Variants in RC3H1 observed in about 807,000 individuals in gnomAD.
The protein encoded by RC3H1 is ring finger and CCCH-type domains 1, also known as roquin-1.
RC3H1 carries 50 observed loss-of-function variants against 138.2 expected under a neutral mutation model. The observed-to-expected ratio is 0.36, with a 90% CI of 0.29 to 0.46. The LOEUF is 0.46. Among genes scored for constraint, RC3H1 ranks in the 20% least tolerant of loss-of-function variants. RC3H1 has a pLI of 1.00. For missense variants in RC3H1, 1,031 were observed against 1,388.1 expected (o/e 0.74, Z 4.09); for synonymous variants, 462 against 489.1 (o/e 0.94, Z 0.73).
intron 13 of RC3H1, among the ~76,000 whole-genome samples, chr1:173,956,600 G>A (rs909173797): frequency 1.3e-5 from 2 of 149,660 alleles, no homozygotes; most frequent in East Asian, 2.0e-4. Flanking sequence ...CGGAGTTTGC[G>A]GTGAGCCGAG....
chr1:173,989,727 T>G (rs949799778), intron 2 of RC3H1, among the ~76,000 whole-genome samples: 6 of 140,278 alleles, frequency 4.3e-5, no homozygotes, highest in African/African-American at 1.3e-4. Context: ...TTTTTTTTTT[T>G]TTTTTTTTTT....
intron 6 of RC3H1, 30 bp from the exon 7 acceptor site, chr1:173,978,650 A>C (rs896296159): frequency 1.3e-6 from 2 of 1,587,188 alleles, no homozygotes; most frequent in African/African-American, 2.7e-5. Flanking sequence ...AACTTTCCCA[A>C]AGGTCAGATA....
intron 1 of RC3H1, among the ~76,000 whole-genome samples, chr1:174,019,600 T>C (rs953033131): frequency 6.6e-6 from 1 of 152,222 alleles, no homozygotes; most frequent in African/African-American, 2.4e-5. Flanking sequence ...CCCTTTTTTA[T>C]TTCTTCAAAT....
At chr1:173,970,787 A>T (rs529039703) in intron 8 of RC3H1, among the ~76,000 whole-genome samples, 170 bp from the exon 9 acceptor site, 5 of 152,314 alleles carry the variant, frequency 3.3e-5, no homozygotes, top group Admixed American at 3.3e-4. Context: ...TTCAAAGTCC[A>T]AATATAAATA....
intron 1 of RC3H1, among the ~76,000 whole-genome samples, chr1:174,001,259 C>G (rs2103067416): frequency 6.6e-6 from 1 of 152,280 alleles, no homozygotes; most frequent in South Asian, 2.1e-4. Flanking sequence ...GGAGAAGCCG[C>G]CTGACCTGAG....
At chr1:173,940,431 A>G (rs2102836958) in intron 19 of RC3H1, among the ~76,000 whole-genome samples, 1 of 152,246 alleles carries the variant, frequency 6.6e-6, no homozygotes, top group East Asian at 1.9e-4. Context: ...AGATCGTGCC[A>G]TTGCACTCCA....
chr1:174,004,680 T>C (rs1343811634), intron 1 of RC3H1, among the ~76,000 whole-genome samples: 3 of 149,114 alleles, frequency 2.0e-5, no homozygotes, highest in Non-Finnish European at 4.4e-5. Flanking sequence ...TAGCTGGGCA[T>C]AGTGGCAGGT....
chr1:173,989,709 A>ACTTTTTTTTTTTTTTTTTT (rs1557946003), intron 2 of RC3H1, among the ~76,000 whole-genome samples: 1 of 137,860 alleles, frequency 7.3e-6, no homozygotes, highest in African/African-American at 2.8e-5. Flanking sequence ...TGTTTATTCA[A>ACTTTTTTTTTTTTTTTTTT]GTTTTTTTTT....
intron 1 of RC3H1, among the ~76,000 whole-genome samples, chr1:174,019,485 A>G (rs1487837072): frequency 6.6e-6 from 1 of 152,204 alleles, no homozygotes; most frequent in African/African-American, 2.4e-5. Flanking sequence ...CATTCTTCAT[A>G]TGAAAAAATG....
chr1:174,007,954 TA>T (rs1205619790), intron 1 of RC3H1, among the ~76,000 whole-genome samples: 1 of 152,110 alleles, frequency 6.6e-6, no homozygotes, highest in African/African-American at 2.4e-5. Flanking sequence ...TGAGTGTCAA[TA>T]AAAAAAGTAG....
intron 1 of RC3H1, among the ~76,000 whole-genome samples, chr1:174,015,149 A>G (rs1051263589): frequency 7.9e-5 from 12 of 152,122 alleles, no homozygotes; most frequent in African/African-American, 2.9e-4. Context: ...GAGAAAATAG[A>G]TAATCAAATT....
chr1:174,002,759 C>A (rs1474685099), intron 1 of RC3H1, among the ~76,000 whole-genome samples: 1 of 152,174 alleles, frequency 6.6e-6, no homozygotes, highest in African/African-American at 2.4e-5. Flanking sequence ...TTCTATACAA[C>A]ATACTGTCCA....
intron 1 of RC3H1, among the ~76,000 whole-genome samples, chr1:173,999,563 T>A (rs952949263): frequency 2.0e-5 from 3 of 152,214 alleles, no homozygotes; most frequent in African/African-American, 7.2e-5. Flanking sequence ...ATTGTGAGCA[T>A]CGATGTTTAA....
intron 7 of RC3H1, among the ~76,000 whole-genome samples, chr1:173,973,281 T>A (rs1660441083): frequency 6.6e-6 from 1 of 152,174 alleles, no homozygotes; most frequent in African/African-American, 2.4e-5. Context: ...CTCAGGCCTG[T>A]AATCTCAGCA....
chr1:173,975,897 CAAAAAAAAAAAAAAAAAAA>C (rs71299434), intron 7 of RC3H1, among the ~76,000 whole-genome samples: 201 of 3,596 alleles, frequency 0.056, 9 homozygotes, highest in Middle Eastern at 0.5. Context: ...GACTCCGTCT[CAAAAAAAAAAAAAAAAAAA>C]AAAAAAAAAA....
intron 1 of RC3H1, among the ~76,000 whole-genome samples, chr1:173,994,867 C>CA (rs1292289568): frequency 2.7e-5 from 4 of 147,414 alleles, no homozygotes; most frequent in Non-Finnish European, 6.0e-5. Context: ...AGTTAAATGA[C>CA]AAAAAAATGT....
Position 173,964,953 on chromosome 1 carries a change from C to T in RC3H1, c.1502G>A (p.Gly501Glu). 6.2e-7 allele frequency: 1 copy of T among 1,614,066 alleles called. No individual in the cohort carries two copies. Among genetic ancestry groups the T allele is most frequent in the Non-Finnish European group, 8.5e-7 (1 of 1,180,018 alleles). Reference protein sequence around the residue: ...PALPNGIVSTGNTVTQLIPRG... With the variant: ...PALPNGIVSTENTVTQLIPRG... Reference sequence around the variant, plus strand: ...CGGAATAAGCTGTGTTACTGTATTCCCTGTTGATACAATTCCATTTGGCAG... The same window carrying T: ...CGGAATAAGCTGTGTTACTGTATTCTCTGTTGATACAATTCCATTTGGCAG... Residue 501 changes from glycine to glutamate, a missense_variant, in exon 10 of 20, where the codon GGG becomes GAG. This residue lies in a region of RC3H1 where 716 missense variants were observed against 837.9 expected (regional missense o/e 0.85). Coordinates refer to ENST00000367696, the MANE Select transcript of RC3H1 (RefSeq NM_172071.4).
intron 1 of RC3H1, among the ~76,000 whole-genome samples, chr1:174,021,440 C>T (rs568682281): frequency 2.9e-4 from 44 of 152,096 alleles, no homozygotes; most frequent in Non-Finnish European, 5.1e-4. Flanking sequence ...ACCACTCCAT[C>T]CTTTACCGAT....
chr1:173,936,014 A>G lies in RC3H1; in HGVS notation c.*2707T>C, dbSNP rs1658567666. On this transcript the variant is annotated 3_prime_UTR_variant, in exon 20 of 20. Transcript: ENST00000367696. ...AGATACTATTTTAAGTCAAGTTTAT[A>G]CAGTGACTTTTCTGGTTTTGTTCAG... 1 of 152,220 alleles carries G rather than the reference A, an allele frequency of 6.6e-6. No individual in the cohort carries two copies. Among genetic ancestry groups the G allele is most frequent in the South Asian group, 2.1e-4 (1 of 4,834 alleles). The allele number at this position is 152,220 out of a possible 1,614,324, so 9.4% of individuals were successfully genotyped here. A position where few individuals can be genotyped will look rare whatever the true frequency, so the allele number is the denominator to read the frequency against.
Sources: allele counts gnomAD v4.1 joint callset (sites outside exome capture counted in the v4.1 genomes callset), GRCh38; gene constraint gnomAD v4.1.1; regional missense constraint gnomAD v4.1.1; transcripts MANE v1.5; gene names NCBI Gene and HGNC (gene_info 2026-07-23, HGNC 2026-07-21).